XPO5: variants seen among roughly 807,000 people sequenced by gnomAD.
XPO5 encodes exportin-5.
A neutral mutation model predicts 160.6 loss-of-function variants in XPO5; 46 were observed. That is an observed-to-expected ratio of 0.29 (90% CI 0.23 to 0.37). The LOEUF (loss-of-function observed/expected upper bound fraction) is 0.37. Ranked by LOEUF, XPO5 falls within the 10% of genes least tolerant of loss-of-function variation. The probability of loss-of-function intolerance (pLI) is 1.00; values close to 1 mark genes in which losing one functional copy is unlikely to be tolerated. For synonymous variants in XPO5, 537 were observed against 519.3 expected (o/e 1.03, Z -0.46); for missense variants, 1,090 against 1,463.9 (o/e 0.74, Z 4.17).
Position 43,566,801 on chromosome 6 carries a change from C to A in XPO5, c.834+368G>T, listed in dbSNP as rs563837907. On this transcript the variant is annotated intron_variant, in intron 7 of 31. Transcript: ENST00000265351. ...CTCCAGCCTGGGTGACAGAGCAAGA[C>A]TGTTTCAATTAAAAAAAAAAAAAAA... is the stretch of plus-strand genomic sequence containing the variant. Among the ~76,000 whole-genome samples the A allele has an allele frequency of 3.9e-5, 5 of 128,954 alleles. No homozygotes were observed. The East Asian group carries it at 1.1e-3, about 28-fold the overall frequency. The allele number at this position is 128,954 out of a possible 152,430, so 84.6% of individuals were successfully genotyped here. A position where few individuals can be genotyped will look rare whatever the true frequency, so the allele number is the denominator to read the frequency against.
intron 20 of XPO5, among the ~76,000 whole-genome samples, chr6:43,536,758 TAAAAAAAAAAAAA>T (rs1156884252): frequency 2.6e-4 from 5 of 19,082 alleles, no homozygotes; most frequent in East Asian, 2.0e-3. Flanking sequence ...AGACTCTATC[TAAAAAAAAAAAAA>T]AAAAAAAAAA....
intron 15 of XPO5, 43 bp downstream of exon 15, chr6:43,551,255 A>G: frequency 1.3e-6 from 2 of 1,522,132 alleles, no homozygotes; most frequent in Non-Finnish European, 1.8e-6. Context: ...AAATTAACTT[A>G]GAAATGTCAA....
chr6:43,527,732 C>T lies in XPO5; in HGVS notation c.2823-1G>A. ...TTCATCTGCAGCCTCATCTTCTCCA[C>T]TGCAGAAAACCAGGGGGCCAAGTTC... is the stretch of plus-strand genomic sequence containing the variant. On this transcript the variant is annotated splice_acceptor_variant, in intron 25 of 31. Transcript: ENST00000265351. LOFTEE classifies it high-confidence loss of function. 1.2e-6 allele frequency: 2 copies of T among 1,613,988 alleles called. No homozygotes were observed. The highest frequency in any genetic ancestry group is 1.7e-6 in the Non-Finnish European group (2 of 1,179,872).
chr6:43,569,645 A>T (rs1214174949), intron 5 of XPO5, among the ~76,000 whole-genome samples: 2 of 151,768 alleles, frequency 1.3e-5, no homozygotes, highest in Non-Finnish European at 2.9e-5. Context: ...AGGCAGGAGA[A>T]TCGCTTGAAC....
In XPO5 at chr6:43,522,807, G is replaced by C. The variant is rs1320217634; in HGVS notation, c.*1061C>G. On this transcript the variant is annotated 3_prime_UTR_variant, in exon 32 of 32. Transcript: ENST00000265351. ...ATGGATTAACTCTGCCTTACGGCCA[G>C]TAATAACCTCAGGGCCAGGTCCCGT... 1 of 388,574 alleles carries C rather than the reference G, an allele frequency of 2.6e-6. No individual in the cohort carries two copies. The highest frequency in any genetic ancestry group is 8.5e-5 in the East Asian group (1 of 11,746). The allele number at this position is 388,574 out of a possible 1,614,324, so 24.1% of individuals were successfully genotyped here.
chr6:43,529,873 C>T (rs1260353692), intron 23 of XPO5, among the ~76,000 whole-genome samples: 1 of 145,282 alleles, frequency 6.9e-6, no homozygotes, highest in African/African-American at 2.6e-5. Context: ...GATGGCACCA[C>T]TGCATTCCTG....
intron 6 of XPO5, 35 bp downstream of exon 6, chr6:43,568,676 A>C (rs1370565765): frequency 6.4e-7 from 1 of 1,550,458 alleles, no homozygotes; most frequent in South Asian, 1.2e-5. Context: ...TGAAAGGTTC[A>C]AAGGTCTCCT....
At chr6:43,557,306 G>T (rs1414841967) in intron 12 of XPO5, among the ~76,000 whole-genome samples, 1 of 150,518 alleles carries the variant, frequency 6.6e-6, no homozygotes, top group Non-Finnish European at 1.5e-5. Context: ...CGTGTGTGTA[G>T]TCCCAGCTAT....
At chr6:43,533,035 G>T (rs1794081939) in intron 21 of XPO5, among the ~76,000 whole-genome samples, 1 of 152,062 alleles carries the variant, frequency 6.6e-6, no homozygotes, top group African/African-American at 2.4e-5. Context: ...AGTCCCAGCA[G>T]GCTGTGGGAG....
chr6:43,527,438 T>C (rs1360961789), intron 26 of XPO5, 196 bp downstream of exon 26: 26 of 521,670 alleles, frequency 5.0e-5, no homozygotes, highest in Non-Finnish European at 8.5e-5. Context: ...TACGCCCAGC[T>C]AATTTTTGTA....
At chr6:43,567,935 CAA>C (rs760267973) in intron 6 of XPO5, among the ~76,000 whole-genome samples, 56 of 75,144 alleles carry the variant, frequency 7.5e-4, no homozygotes, top group Non-Finnish European at 1.1e-3. Context: ...GACCCTGTGT[CAA>C]AAAAAAAAAA....
At chr6:43,531,396 T>C in intron 22 of XPO5, 83 bp downstream of exon 22, 1 of 1,278,860 alleles carries the variant, frequency 7.8e-7, no homozygotes. Context: ...ACCTGTACAC[T>C]AGATGAAAAG....
intron 20 of XPO5, among the ~76,000 whole-genome samples, chr6:43,538,211 G>A (rs999611723): frequency 1.6e-5 from 2 of 124,298 alleles, no homozygotes; most frequent in South Asian, 2.8e-4. Flanking sequence ...GTACAATGGC[G>A]TGATCTCAGC....
chr6:43,532,576 C>A (rs1277076035), intron 21 of XPO5, among the ~76,000 whole-genome samples: 1 of 152,186 alleles, frequency 6.6e-6, no homozygotes, highest in Non-Finnish European at 1.5e-5. Context: ...ATACCAAGGC[C>A]TTTTTCTCTT....
intron 6 of XPO5, among the ~76,000 whole-genome samples, chr6:43,568,475 G>C (rs924727902): frequency 1.3e-5 from 2 of 152,036 alleles, no homozygotes; most frequent in African/African-American, 4.8e-5. Context: ...GCATGGTGGT[G>C]CGCACCTATA....
At chr6:43,567,116 T>C (rs956298029) in intron 7 of XPO5, 53 bp downstream of exon 7, 29 of 1,532,840 alleles carry the variant, frequency 1.9e-5, no homozygotes, top group Non-Finnish European at 2.5e-5. Flanking sequence ...ATTAAACACA[T>C]ACACAGCCTA....
chr6:43,531,134 GTA>G (rs1793949090), intron 22 of XPO5, among the ~76,000 whole-genome samples: 1 of 152,204 alleles, frequency 6.6e-6, no homozygotes, highest in African/African-American at 2.4e-5. Context: ...CCCACAACCA[GTA>G]TCCAGCCACC....
Position 43,568,868 on chromosome 6 carries a change from CACA to C in XPO5, c.622-134_622-132del, listed in dbSNP as rs1181192018. 45 of 735,600 alleles carry C rather than the reference CACA, an allele frequency of 6.1e-5. 1 individual carries two copies. The South Asian group carries it at 7.5e-4, about 12-fold the overall frequency. 45.6% of individuals were successfully genotyped at this position (735,600 alleles called of 1,614,324 possible). ...TGCAATTTTTCATCTTGGAAAATAA[CACA>C]ACTTTACTAAGCACGCATAACTGAT... On this transcript the variant is annotated intron_variant, in intron 5 of 31. Transcript: ENST00000265351.
At chr6:43,567,147 T>A (rs959349547) in intron 7 of XPO5, 22 bp downstream of exon 7, 1 of 1,598,756 alleles carries the variant, frequency 6.3e-7, no homozygotes. Flanking sequence ...TGAGGATAAG[T>A]CAGTTTGAAG....
Sources: gnomAD v4.1 joint callset for allele counts (sites outside exome capture counted in the v4.1 genomes callset) on GRCh38, gnomAD v4.1.1 for gene constraint, MANE v1.5 for transcripts, NCBI Gene and HGNC (gene_info 2026-07-23, HGNC 2026-07-21) for gene names.